The following CCSER1 variants were observed in gnomAD, a reference collection of about 807,000 sequenced individuals.
CCSER1 encodes serine-rich coiled-coil domain-containing protein 1.
In CCSER1, 41 loss-of-function variants were observed where a neutral mutation model predicts 82.0. That is an observed-to-expected ratio of 0.50 (90% CI 0.39 to 0.65). The LOEUF (loss-of-function observed/expected upper bound fraction) is 0.65. CCSER1 is among the 30% of genes least tolerant of loss of function. The pLI, the probability that CCSER1 is intolerant of heterozygous loss-of-function variation, is 0.00. For synonymous variants in CCSER1, 414 were observed against 383.9 expected (o/e 1.08, Z -0.92); for missense variants, 1,119 against 1,064.2 (o/e 1.05, Z -0.72).
At position 91,426,133 on chromosome 4, in the gene CCSER1, C is replaced by T. The variant is rs370042057; in HGVS notation, c.2218-172439C>T. Reference sequence around the variant, plus strand: ...AACTCCCACTATGAGTGAGCACATGCGGTGTTTGGTTTTCTGTTCTTGTGA... The same window carrying T: ...AACTCCCACTATGAGTGAGCACATGTGGTGTTTGGTTTTCTGTTCTTGTGA... On this transcript the variant is annotated intron_variant, in intron 10 of 10. Coordinates refer to ENST00000509176, the MANE Select transcript of CCSER1 (RefSeq NM_001145065.2). 6.6e-5 allele frequency among the ~76,000 whole-genome samples: 10 copies of T among 152,066 alleles called. 1 individual carries two copies. Among genetic ancestry groups the T allele is most frequent in the South Asian group, 4.1e-4 (2 of 4,824 alleles).
At chr4:90,892,573 T>C (rs1723113813) in intron 8 of CCSER1, among the ~76,000 whole-genome samples, 1 of 152,010 alleles carries the variant, frequency 6.6e-6, no homozygotes, top group Non-Finnish European at 1.5e-5. Context: ...ATCTTTGTCT[T>C]GTATTTGATT....
chr4:90,768,317 T>C (rs759885563), intron 7 of CCSER1, among the ~76,000 whole-genome samples: 13 of 152,168 alleles, frequency 8.5e-5, no homozygotes, highest in Non-Finnish European at 1.8e-4. Flanking sequence ...ATTATACACC[T>C]AGCCAGGAGT....
At chr4:90,159,420 G>A (rs1343073995) in intron 1 of CCSER1, among the ~76,000 whole-genome samples, 1 of 152,140 alleles carries the variant, frequency 6.6e-6, no homozygotes, top group Admixed American at 6.6e-5. Context: ...TGAATGGTGA[G>A]GTCATATTCT....
At chr4:90,227,975 C>A (rs1340190829) in intron 1 of CCSER1, among the ~76,000 whole-genome samples, 1 of 152,206 alleles carries the variant, frequency 6.6e-6, no homozygotes, top group Non-Finnish European at 1.5e-5. Flanking sequence ...GGGTCCTACG[C>A]CCATGGAGTC....
intron 4 of CCSER1, among the ~76,000 whole-genome samples, chr4:90,459,278 A>G (rs1164477093): frequency 6.6e-6 from 1 of 152,164 alleles, no homozygotes; most frequent in African/African-American, 2.4e-5. Flanking sequence ...TCTGTCAGAG[A>G]TATTTGGAAT....
At chr4:91,227,329 C>T (rs1738274503) in intron 10 of CCSER1, among the ~76,000 whole-genome samples, 1 of 151,588 alleles carries the variant, frequency 6.6e-6, no homozygotes, top group Admixed American at 6.6e-5. Flanking sequence ...GATCAGCAAG[C>T]ATAAAATAGA....
intron 10 of CCSER1, among the ~76,000 whole-genome samples, chr4:91,381,760 G>C (rs1012300284): frequency 3.9e-5 from 6 of 152,180 alleles, no homozygotes; most frequent in African/African-American, 1.4e-4. Flanking sequence ...GTCATTCTCT[G>C]TCCAGCTTTG....
chr4:90,882,432 T>G (rs1220137407), intron 8 of CCSER1, among the ~76,000 whole-genome samples: 2 of 152,080 alleles, frequency 1.3e-5, no homozygotes, highest in Non-Finnish European at 2.9e-5. Flanking sequence ...TTACTAAGTA[T>G]TTTATACTGG....
intron 10 of CCSER1, among the ~76,000 whole-genome samples, chr4:91,417,274 A>G (rs535927381): frequency 6.6e-6 from 1 of 152,308 alleles, no homozygotes; most frequent in African/African-American, 2.4e-5. Flanking sequence ...CATTGTGGAT[A>G]CAGTGTGGTG....
At chr4:90,357,558 C>T (rs915586062) in intron 3 of CCSER1, among the ~76,000 whole-genome samples, 1 of 151,844 alleles carries the variant, frequency 6.6e-6, no homozygotes, top group Non-Finnish European at 1.5e-5. Context: ...CAGGATTTTC[C>T]AATTTTTAAA....
At chr4:90,274,071 A>G (rs962075985) in intron 1 of CCSER1, among the ~76,000 whole-genome samples, 4 of 152,230 alleles carry the variant, frequency 2.6e-5, no homozygotes, top group African/African-American at 9.6e-5. Context: ...CTGTAGGTGC[A>G]TACTACTCAT....
intron 10 of CCSER1, among the ~76,000 whole-genome samples, chr4:91,452,746 G>A (rs1470589139): frequency 6.6e-6 from 1 of 152,028 alleles, no homozygotes; most frequent in Non-Finnish European, 1.5e-5. Context: ...ATAAAGACTG[G>A]AGACCTCACT....
chr4:90,810,791 G>A (rs1758161986), intron 7 of CCSER1, among the ~76,000 whole-genome samples: 1 of 151,356 alleles, frequency 6.6e-6, no homozygotes. Flanking sequence ...TGTGCCACTT[G>A]GCCAAAAAGG....
chr4:91,317,975 G>A (rs1745945533), intron 10 of CCSER1, among the ~76,000 whole-genome samples: 1 of 151,906 alleles, frequency 6.6e-6, no homozygotes, highest in Non-Finnish European at 1.5e-5. Flanking sequence ...TTAATGAGAT[G>A]GTCCTCATTT....
intron 1 of CCSER1, among the ~76,000 whole-genome samples, chr4:90,303,372 G>C (rs1001152433): frequency 6.6e-6 from 1 of 152,062 alleles, no homozygotes; most frequent in Non-Finnish European, 1.5e-5. Context: ...AACAAAGCTG[G>C]AGGCATCACA....
At chr4:91,518,390 CCTT>C (rs1045522456) in intron 10 of CCSER1, among the ~76,000 whole-genome samples, 4 of 152,082 alleles carry the variant, frequency 2.6e-5, no homozygotes, top group African/African-American at 9.7e-5. Flanking sequence ...GGCCTTCTCT[CCTT>C]AGGGCAACTG....
At chr4:90,459,382 A>G (rs987900864) in intron 4 of CCSER1, among the ~76,000 whole-genome samples, 2 of 152,216 alleles carry the variant, frequency 1.3e-5, no homozygotes, top group African/African-American at 2.4e-5. Context: ...TATTAATATT[A>G]GTAAAAGTAA....
chr4:90,742,331 C>A (rs1428645449), intron 7 of CCSER1, among the ~76,000 whole-genome samples: 1 of 152,130 alleles, frequency 6.6e-6, no homozygotes, highest in Non-Finnish European at 1.5e-5. Flanking sequence ...TGAATCATAT[C>A]AATATGCATG....
chr4:90,427,127 C>T (rs945579254), intron 4 of CCSER1, among the ~76,000 whole-genome samples: 1 of 151,978 alleles, frequency 6.6e-6, no homozygotes, highest in Non-Finnish European at 1.5e-5. Flanking sequence ...ATAGCCAAAA[C>T]TGTATTCATG....
Sources: allele counts gnomAD v4.1 joint callset (sites outside exome capture counted in the v4.1 genomes callset), GRCh38; gene constraint gnomAD v4.1.1; transcripts MANE v1.5; gene names NCBI Gene and HGNC (gene_info 2026-07-23, HGNC 2026-07-21).